MEGF9: variants seen among roughly 807,000 people sequenced by gnomAD.
The protein encoded by MEGF9 is multiple epidermal growth factor-like domains protein 9.
MEGF9 carries 6 observed loss-of-function variants against 46.8 expected under a neutral mutation model. The ratio of observed to expected loss-of-function variants is 0.13; its 90% CI spans 0.07 to 0.25. The LOEUF is 0.25. Among genes scored for constraint, MEGF9 ranks in the 10% least tolerant of loss-of-function variants. The pLI is 1.00. For synonymous variants in MEGF9, 302 were observed against 330.7 expected (o/e 0.91, Z 0.94); for missense variants, 683 against 792.4 (o/e 0.86, Z 1.66).
chr9:120,619,387 T>C (rs2043488590), intron 3 of MEGF9, among the ~76,000 whole-genome samples: 1 of 152,120 alleles, frequency 6.6e-6, no homozygotes, highest in African/African-American at 2.4e-5. Flanking sequence ...ATCGAGAACA[T>C]AGTAACAGTT....
At chr9:120,615,808 C>T (rs887189721) in intron 3 of MEGF9, among the ~76,000 whole-genome samples, 2 of 151,810 alleles carry the variant, frequency 1.3e-5, no homozygotes, top group African/African-American at 4.8e-5. Flanking sequence ...GTGGGAGGAT[C>T]GCTTGAGTCT....
At chr9:120,615,418 G>A (rs1174302368) in intron 3 of MEGF9, among the ~76,000 whole-genome samples, 1 of 151,226 alleles carries the variant, frequency 6.6e-6, no homozygotes, top group Non-Finnish European at 1.5e-5. Context: ...CCACATGTTT[G>A]TGACTACCAC....
At chr9:120,625,911 G>A (rs937342324) in intron 2 of MEGF9, among the ~76,000 whole-genome samples, 10 of 150,562 alleles carry the variant, frequency 6.6e-5, no homozygotes, top group East Asian at 5.9e-4. Flanking sequence ...GACTTCCTTC[G>A]TAGAATAAAG....
At chr9:120,659,170 GAACTAAAT>G (rs1317438238) in intron 2 of MEGF9, among the ~76,000 whole-genome samples, 196 bp downstream of exon 2, 1 of 152,074 alleles carries the variant, frequency 6.6e-6, no homozygotes, top group African/African-American at 2.4e-5. Flanking sequence ...TGCTTTTGAA[GAACTAAAT>G]CAGTAAATTA....
At chr9:120,663,756 C>A (rs1297543727) in intron 1 of MEGF9, among the ~76,000 whole-genome samples, 1 of 152,158 alleles carries the variant, frequency 6.6e-6, no homozygotes, top group African/African-American at 2.4e-5. Context: ...AACTCTTTAT[C>A]GTGTGAGTAG....
chr9:120,606,892 A>G (rs556879656), intron 5 of MEGF9, among the ~76,000 whole-genome samples: 30 of 152,338 alleles, frequency 2.0e-4, no homozygotes, highest in Non-Finnish European at 2.8e-4. Flanking sequence ...ATTAGCTAAT[A>G]AGAAAAATCA....
chr9:120,624,461 C>CAG (rs1164028748), intron 2 of MEGF9, among the ~76,000 whole-genome samples: 1 of 152,010 alleles, frequency 6.6e-6, no homozygotes, highest in African/African-American at 2.4e-5. Context: ...CTCCTGAGCT[C>CAG]AAGCAATCCG....
intron 1 of MEGF9, among the ~76,000 whole-genome samples, chr9:120,669,377 A>T (rs2043738929): frequency 6.6e-6 from 1 of 152,204 alleles, no homozygotes; most frequent in Admixed American, 6.5e-5. Context: ...TGGTCAATTT[A>T]AAAGACAAAG....
At chr9:120,659,632 A>G in intron 1 of MEGF9, 57 bp from the exon 2 acceptor site, 1 of 1,297,358 alleles carries the variant, frequency 7.7e-7, no homozygotes, top group Non-Finnish European at 1.1e-6. Context: ...CCCTCTTAAT[A>G]AAATGAACTC....
At chr9:120,710,431 A>T (rs2132348000) in intron 1 of MEGF9, among the ~76,000 whole-genome samples, 2 of 151,108 alleles carry the variant, frequency 1.3e-5, no homozygotes, top group South Asian at 4.2e-4. Context: ...TCTTAAAAAA[A>T]AAAAAAAAAA....
intron 2 of MEGF9, among the ~76,000 whole-genome samples, chr9:120,635,084 G>A (rs1022566384): frequency 1.3e-5 from 2 of 151,964 alleles, no homozygotes; most frequent in African/African-American, 2.4e-5. Flanking sequence ...GCTTTTCTGG[G>A]TATAGTATTC....
At chr9:120,677,723 T>C (rs1042320512) in intron 1 of MEGF9, among the ~76,000 whole-genome samples, 2 of 152,226 alleles carry the variant, frequency 1.3e-5, no homozygotes. Flanking sequence ...GTTCTGGATA[T>C]GGACTATACT....
intron 4 of MEGF9, among the ~76,000 whole-genome samples, chr9:120,609,232 C>A (rs751011420): frequency 1.6e-4 from 25 of 152,170 alleles, no homozygotes; most frequent in East Asian, 3.8e-4. Context: ...CCCAAATACC[C>A]AAATACTGCC....
chr9:120,601,784 G>A lies in MEGF9; in HGVS notation c.*3406C>T, dbSNP rs953916330. 1 of 152,152 alleles carries A rather than the reference G, an allele frequency of 6.6e-6. No homozygotes were observed. The highest frequency in any genetic ancestry group is 2.4e-5 in the African/African-American group (1 of 41,430). 9.4% of individuals were successfully genotyped at this position (152,152 alleles called of 1,614,324 possible). Reference sequence around the variant, plus strand: ...AGAACCCTAGGGGATAGAGGGTAGAGGGAGCGAGAGGGGAGTAAGGGAGGA... The same window carrying A: ...AGAACCCTAGGGGATAGAGGGTAGAAGGAGCGAGAGGGGAGTAAGGGAGGA... On this transcript the variant is annotated 3_prime_UTR_variant, in exon 6 of 6. Transcript: ENST00000373930.
chr9:120,684,758 T>C (rs1253131249), intron 1 of MEGF9, among the ~76,000 whole-genome samples: 1 of 152,180 alleles, frequency 6.6e-6, no homozygotes, highest in Non-Finnish European at 1.5e-5. Flanking sequence ...ATATACGCCA[T>C]GTATACACTA....
intron 2 of MEGF9, among the ~76,000 whole-genome samples, chr9:120,632,951 T>C (rs2043557191): frequency 6.6e-6 from 1 of 152,190 alleles, no homozygotes; most frequent in Non-Finnish European, 1.5e-5. Flanking sequence ...CACTTGATCA[T>C]GGTGTATTTT....
Position 120,602,957 on chromosome 9 carries a change from TC to T in MEGF9, c.*2232del, listed in dbSNP as rs1385959029. On this transcript the variant is annotated 3_prime_UTR_variant, in exon 6 of 6. Transcript: ENST00000373930. ...TGTTTTCTAATCACTAATACTAACT[TC>T]AGTTAGTAAATCTTCTTGTGTTCTT... is the stretch of plus-strand genomic sequence containing the variant. 3 of 152,096 alleles carry T rather than the reference TC, an allele frequency of 2.0e-5. No individual in the cohort carries two copies. Among genetic ancestry groups the T allele is most frequent in the African/African-American group, 7.2e-5 (3 of 41,410 alleles). The allele number at this position is 152,096 out of a possible 1,614,324, so 9.4% of individuals were successfully genotyped here.
At chr9:120,640,836 T>C (rs1197808915) in intron 2 of MEGF9, among the ~76,000 whole-genome samples, 2 of 152,052 alleles carry the variant, frequency 1.3e-5, no homozygotes, top group Non-Finnish European at 2.9e-5. Flanking sequence ...ATAGGTAGTT[T>C]TTCAACCCTT....
At chr9:120,625,848 A>AG (rs1298984600) in intron 2 of MEGF9, among the ~76,000 whole-genome samples, 103 of 138,300 alleles carry the variant, frequency 7.4e-4, no homozygotes, top group Non-Finnish European at 1.2e-3. Flanking sequence ...AAAAAAAAAA[A>AG]AAAAAAAAGA....
Sources: gnomAD v4.1 joint callset for allele counts (sites outside exome capture counted in the v4.1 genomes callset) on GRCh38, gnomAD v4.1.1 for gene constraint, MANE v1.5 for transcripts, NCBI Gene and HGNC (gene_info 2026-07-23, HGNC 2026-07-21) for gene names.